The following CSNK1G2 variants were observed in gnomAD, a reference collection of about 807,000 sequenced individuals.
CSNK1G2 encodes casein kinase 1 gamma 2, also known as casein kinase I isoform gamma-2.
In CSNK1G2, 11 loss-of-function variants were observed where a neutral mutation model predicts 48.0. The observed-to-expected ratio is 0.23, with a 90% CI of 0.14 to 0.38. The LOEUF (loss-of-function observed/expected upper bound fraction) is 0.38, where lower values mean the gene tolerates loss of function less well. Ranked by LOEUF, CSNK1G2 falls within the 10% of genes least tolerant of loss-of-function variation. The probability of loss-of-function intolerance (pLI) is 1.00; values close to 1 mark genes in which losing one functional copy is unlikely to be tolerated. For synonymous variants in CSNK1G2, 337 were observed against 254.1 expected (o/e 1.33, Z -3.10); for missense variants, 446 against 595.5 (o/e 0.75, Z 2.61).
intron 1 of CSNK1G2, among the ~76,000 whole-genome samples, chr19:1,956,153 C>T (rs1568187558): frequency 6.6e-6 from 1 of 152,168 alleles, no homozygotes; most frequent in African/African-American, 2.4e-5. Context: ...GTGATGGTCA[C>T]CACCCAGACG....
At chr19:1,979,442 C>T (rs2015891382) in intron 8 of CSNK1G2, 39 bp downstream of exon 8, 1 of 1,413,506 alleles carries the variant, frequency 7.1e-7, no homozygotes, top group Non-Finnish European at 9.6e-7. Context: ...GCCCCCCACC[C>T]CCCACCCCCC....
chr19:1,975,228 G>A (rs979680350), intron 2 of CSNK1G2: 104 of 985,376 alleles, frequency 1.1e-4, no homozygotes, highest in South Asian at 2.8e-4. Context: ...GGACGTTGGC[G>A]AGCATCCGCC....
rs777163089 is a variant in CSNK1G2 at position 1,979,854 on chromosome 19, C to G, written c.1086+19C>G. ...AAACCAGGTGAGGCCCGGGCGGGAC[C>G]GACCGCCCCAGGGAGGGGCATGGGC... On this transcript the variant is annotated intron_variant, in intron 10 of 11. Coordinates refer to ENST00000255641, the MANE Select transcript of CSNK1G2 (RefSeq NM_001319.7). 2 of 1,602,266 alleles carry G rather than the reference C, an allele frequency of 1.2e-6. No individual in the cohort carries two copies. The highest frequency in any genetic ancestry group is 1.1e-5 in the South Asian group (1 of 89,824).
At chr19:1,945,350 G>A (rs1050146707) in intron 1 of CSNK1G2, among the ~76,000 whole-genome samples, 1 of 152,192 alleles carries the variant, frequency 6.6e-6, no homozygotes, top group African/African-American at 2.4e-5. Flanking sequence ...TGAGGTGTGG[G>A]GATCATCTCC....
At chr19:1,955,518 G>A (rs2014957360) in intron 1 of CSNK1G2, among the ~76,000 whole-genome samples, 1 of 147,416 alleles carries the variant, frequency 6.8e-6, no homozygotes, top group South Asian at 2.1e-4. Flanking sequence ...GTGCCAGGGT[G>A]AGGCTCCGCG....
chr19:1,963,643 A>C (rs541902538), intron 1 of CSNK1G2, among the ~76,000 whole-genome samples: 1 of 141,176 alleles, frequency 7.1e-6, no homozygotes, highest in East Asian at 2.1e-4. Flanking sequence ...GAGTAGCTGG[A>C]GTTACAGGTG....
At chr19:1,970,540 C>T (rs139402704) in intron 2 of CSNK1G2, among the ~76,000 whole-genome samples, 2 of 152,220 alleles carry the variant, frequency 1.3e-5, no homozygotes, top group African/African-American at 4.8e-5. Context: ...GGGCCGAGGA[C>T]TGAGCCTCTC....
intron 1 of CSNK1G2, chr19:1,959,127 A>G (rs11883323): frequency 0.15 from 22,738 of 151,862 alleles, 2,163 homozygotes; most frequent in African/African-American, 0.27. Context: ...CCTTTAGCTC[A>G]TCATGAGGCT....
intron 2 of CSNK1G2, 52 bp downstream of exon 2, chr19:1,970,011 CCCCGAGTCA>C (rs2015510319): frequency 1.6e-6 from 2 of 1,278,024 alleles, no homozygotes; most frequent in Non-Finnish European, 2.0e-6. Context: ...GGCAGGGCCG[CCCCGAGTCA>C]CCGGAGCCTC....
intron 1 of CSNK1G2, among the ~76,000 whole-genome samples, chr19:1,947,360 A>G (rs2014600508): frequency 6.6e-6 from 1 of 152,106 alleles, no homozygotes; most frequent in African/African-American, 2.4e-5. Flanking sequence ...TGCTCATGTA[A>G]TCTGCGGTGA....
chr19:1,945,883 C>T (rs997925199), intron 1 of CSNK1G2, among the ~76,000 whole-genome samples: 2 of 151,612 alleles, frequency 1.3e-5, no homozygotes, highest in Admixed American at 6.6e-5. Context: ...TTCTGGGGCA[C>T]GCTGGGGTAG....
intron 1 of CSNK1G2, among the ~76,000 whole-genome samples, chr19:1,945,513 G>A (rs985952342): frequency 6.6e-6 from 1 of 152,190 alleles, no homozygotes; most frequent in Admixed American, 6.5e-5. Flanking sequence ...AGTTTCGCGT[G>A]ACATCATGTT....
chr19:1,967,601 C>G lies in CSNK1G2; in HGVS notation c.-265-1907C>G, dbSNP rs374799540. 2.6e-5 allele frequency among the ~76,000 whole-genome samples: 4 copies of G among 152,150 alleles called. No homozygotes were observed. The East Asian group carries it at 7.7e-4, about 29-fold the overall frequency. ...CTTGAGGGCGACGAGGTGACAGCCG[C>G]GTCCCTGGGGTTGCACCACCCGAGC... On this transcript the variant is annotated intron_variant, in intron 1 of 11. Coordinates refer to ENST00000255641, the MANE Select transcript of CSNK1G2 (RefSeq NM_001319.7).
intron 1 of CSNK1G2, among the ~76,000 whole-genome samples, chr19:1,952,270 G>A (rs1173658821): frequency 6.6e-6 from 1 of 152,220 alleles, no homozygotes; most frequent in East Asian, 1.9e-4. Context: ...TCTGCGGCCT[G>A]TGAGCACTGA....
intron 1 of CSNK1G2, among the ~76,000 whole-genome samples, chr19:1,958,133 G>A (rs767282226): frequency 6.6e-6 from 1 of 152,048 alleles, no homozygotes; most frequent in Non-Finnish European, 1.5e-5. Context: ...GAAGCACAGC[G>A]CAGCCTCATG....
At chr19:1,952,325 T>A (rs1423239580) in intron 1 of CSNK1G2, among the ~76,000 whole-genome samples, 2 of 144,890 alleles carry the variant, frequency 1.4e-5, no homozygotes, top group African/African-American at 2.5e-5. Flanking sequence ...CGTGCTCAAC[T>A]TTTTTTTTTT....
At chr19:1,961,350 A>T (rs1462474730) in intron 1 of CSNK1G2, among the ~76,000 whole-genome samples, 3 of 152,122 alleles carry the variant, frequency 2.0e-5, no homozygotes, top group Non-Finnish European at 4.4e-5. Context: ...CCCTACACAG[A>T]GGCGTTGGGT....
At chr19:1,966,204 C>A (rs1004841489) in intron 1 of CSNK1G2, among the ~76,000 whole-genome samples, 23 of 152,168 alleles carry the variant, frequency 1.5e-4, no homozygotes, top group African/African-American at 5.6e-4. Flanking sequence ...AAATTGAAAC[C>A]CCCGGAAAGG....
intron 1 of CSNK1G2, among the ~76,000 whole-genome samples, chr19:1,948,683 C>T (rs1387537837): frequency 2.0e-5 from 3 of 152,258 alleles, no homozygotes; most frequent in South Asian, 2.1e-4. Flanking sequence ...AACGTGTGCA[C>T]GCAAGTGGTT....
Sources: allele counts gnomAD v4.1 joint callset (sites outside exome capture counted in the v4.1 genomes callset), GRCh38; gene constraint gnomAD v4.1.1; transcripts MANE v1.5; gene names NCBI Gene and HGNC (gene_info 2026-07-23, HGNC 2026-07-21).